The following C4orf51 variants were observed in gnomAD, a reference collection of about 807,000 sequenced individuals.
C4orf51 encodes the protein chromosome 4 open reading frame 51, also known as uncharacterized protein C4orf51.
A neutral mutation model predicts 25.2 loss-of-function variants in C4orf51; 25 were observed. The observed-to-expected ratio is 0.99, with a 90% CI of 0.72 to 1.39. C4orf51 has a LOEUF of 1.39. Ranked by LOEUF, C4orf51 falls within the 40% of genes most tolerant of loss-of-function variation. C4orf51 has a pLI of 0.00. For synonymous variants in C4orf51, 100 were observed against 84.5 expected, an observed-to-expected ratio of 1.18 and a Z score of -1.01; for missense variants, 252 against 239.6, an observed-to-expected ratio of 1.05 and a Z score of -0.34.
chr4:145,693,717 C>T, intron 1 of C4orf51, among the ~76,000 whole-genome samples: 1 of 79,564 alleles, frequency 1.3e-5, no homozygotes, highest in South Asian at 5.6e-4. Flanking sequence ...GGGGGGCTGA[C>T]CCCCCCACCT....
At chr4:145,771,231 G>T (rs568606017), downstream of C4orf51, among the ~76,000 whole-genome samples, 1 of 152,178 alleles carries the variant, frequency 6.6e-6, no homozygotes, top group East Asian at 1.9e-4. Flanking sequence ...CTCTTTTTCT[G>T]TTATTTTGCA....
At chr4:145,722,837 C>A (rs1731817667) in intron 2 of C4orf51, among the ~76,000 whole-genome samples, 1 of 152,106 alleles carries the variant, frequency 6.6e-6, no homozygotes. Flanking sequence ...TGAGATTCTC[C>A]TAGGAGCACA....
chr4:145,723,783 T>A (rs1381878692), intron 2 of C4orf51, among the ~76,000 whole-genome samples: 1 of 152,186 alleles, frequency 6.6e-6, no homozygotes, highest in Non-Finnish European at 1.5e-5. Flanking sequence ...TAGGGTAACA[T>A]TAAATGTCCT....
chr4:145,757,725 C>T (rs1248953048), downstream of C4orf51: 2 of 151,170 alleles, frequency 1.3e-5, no homozygotes, highest in African/African-American at 2.4e-5. Flanking sequence ...AAGGAATATA[C>T]CAGTTACTGT....
At position 145,763,018 on chromosome 4, in the gene C4orf51, C is replaced by T. The variant is rs775969368; in HGVS notation, n.167-7970C>T. 2.1e-6 allele frequency: 3 copies of T among 1,400,620 alleles called. No individual in the cohort carries two copies. The highest frequency in any genetic ancestry group is 2.1e-4 in the Middle Eastern group (1 of 4,864). 86.8% of individuals were successfully genotyped at this position (1,400,620 alleles called of 1,614,324 possible). ...TTGAACCTCAGCTCACAGAAGAGTGCACACGAGAGAAATATAAAGCCCATT... is the reference window on the plus strand; with the variant it reads ...TTGAACCTCAGCTCACAGAAGAGTGTACACGAGAGAAATATAAAGCCCATT... On this transcript the variant is annotated intron_variant and non_coding_transcript_variant, in intron 1 of 1. Coordinates refer to the C4orf51 transcript ENST00000510096. The surrounding 1 kb of genome is among the most constrained non-coding windows in gnomAD (Gnocchi z 4.6).
intron 1 of C4orf51, among the ~76,000 whole-genome samples, chr4:145,681,335 T>C (rs1728827755): frequency 6.6e-6 from 1 of 152,244 alleles, no homozygotes; most frequent in East Asian, 1.9e-4. Context: ...ATATTAGTTA[T>C]ATTTCCATCC....
chr4:145,732,750 G>A lies in C4orf51; in HGVS notation c.*190G>A. On this transcript the variant is annotated 3_prime_UTR_variant, in exon 6 of 6. Coordinates refer to ENST00000438731, the MANE Select transcript of C4orf51 (RefSeq NM_001080531.3). ...TTTTTCCCTTTTTAATTGGTGGAGA[G>A]AGACAAAAGTTTTTATAATCTTTAT... The A allele has an allele frequency of 8.8e-6, 4 of 455,032 alleles. No individual in the cohort carries two copies. The highest frequency in any genetic ancestry group is 1.2e-5 in the Non-Finnish European group (3 of 257,592). 28.2% of individuals were successfully genotyped at this position (455,032 alleles called of 1,614,324 possible).
At chr4:145,729,542 C>T (rs1732338253) in intron 4 of C4orf51, among the ~76,000 whole-genome samples, 1 of 152,104 alleles carries the variant, frequency 6.6e-6, no homozygotes, top group Admixed American at 6.5e-5. Context: ...ACCTTGTGAT[C>T]CTCCCTCCTT....
At chr4:145,710,813 A>G (rs1360739879) in intron 2 of C4orf51, among the ~76,000 whole-genome samples, 1 of 151,574 alleles carries the variant, frequency 6.6e-6, no homozygotes, top group Non-Finnish European at 1.5e-5. Flanking sequence ...GGGTGGGGGT[A>G]GGGAGCCCTC....
the C4orf51 span, among the ~76,000 whole-genome samples, chr4:145,777,701 T>C: frequency 5.9e-5 from 9 of 152,204 alleles, no homozygotes; most frequent in African/African-American, 1.7e-4. Context: ...ATCTATTTTA[T>C]GGCCATTTCT....
Position 145,763,599 on chromosome 4 carries a change from T to A in C4orf51, n.167-7389T>A, listed in dbSNP as rs1300927944. 6.6e-6 allele frequency among the ~76,000 whole-genome samples: 1 copy of A among 152,200 alleles called. No homozygotes were observed. Among genetic ancestry groups the A allele is most frequent in the Non-Finnish European group, 1.5e-5 (1 of 68,030 alleles). Reference sequence around the variant, plus strand: ...TGGAGGTCCCTGAGGAAAGGCGAACTGGCAAAGCCACAACTGGCAGGGGCT... The same window carrying A: ...TGGAGGTCCCTGAGGAAAGGCGAACAGGCAAAGCCACAACTGGCAGGGGCT... On this transcript the variant is annotated intron_variant and non_coding_transcript_variant, in intron 1 of 1. Coordinates refer to the C4orf51 transcript ENST00000510096. This position sits in a 1 kb window ranked among gnomAD's most constrained non-coding sequence, Gnocchi z 4.6.
intron 1 of C4orf51, among the ~76,000 whole-genome samples, chr4:145,684,727 T>G (rs1212465492): frequency 2.0e-5 from 3 of 152,106 alleles, no homozygotes; most frequent in Admixed American, 2.0e-4. Flanking sequence ...AATCTCTGTA[T>G]GTTCATCTTA....
At chr4:145,735,964 C>A (rs1249267750), downstream of C4orf51, among the ~76,000 whole-genome samples, 1 of 152,006 alleles carries the variant, frequency 6.6e-6, no homozygotes, top group East Asian at 1.9e-4. Flanking sequence ...CTGGGTCAGC[C>A]CTACACTCTG....
the C4orf51 span, among the ~76,000 whole-genome samples, chr4:145,780,885 T>A: frequency 6.6e-6 from 1 of 152,284 alleles, no homozygotes; most frequent in East Asian, 1.9e-4. Flanking sequence ...GGTAAGAACT[T>A]CTCCTAATCC....
intron 1 of C4orf51, among the ~76,000 whole-genome samples, chr4:145,766,838 A>C (rs1735377975): frequency 6.6e-6 from 1 of 152,194 alleles, no homozygotes; most frequent in Non-Finnish European, 1.5e-5. Context: ...GTAGAAAACT[A>C]AGAAAGGTCT....
In C4orf51 at chr4:145,732,481, A is replaced by G. The variant is rs911196303; in HGVS notation, c.530A>G (p.Lys177Arg). The G allele has an allele frequency of 3.0e-5, 49 of 1,610,888 alleles. No individual in the cohort carries two copies. Among genetic ancestry groups the G allele is most frequent in the Admixed American group, 5.0e-5 (3 of 59,608 alleles). Reference protein sequence around the residue: ...HLHGRCDSESKVCSSEDSEAD... With the variant: ...HLHGRCDSESRVCSSEDSEAD... ...CATGGACGGTGCGATTCTGAAAGCA[A>G]GGTTTGCTCATCTGAGGATTCAGAA... is the stretch of plus-strand genomic sequence containing the variant. The change falls in exon 6 of 6, where the codon AAG (lysine) becomes AGG (arginine). Residue 177 changes from lysine (K) to arginine (R), a missense_variant. Physicochemically the swap from Lys to Arg is conservative, Grantham distance 26. Coordinates refer to ENST00000438731, the MANE Select transcript of C4orf51 (RefSeq NM_001080531.3).
chr4:145,788,631 C>A, the C4orf51 span, among the ~76,000 whole-genome samples: 2 of 152,128 alleles, frequency 1.3e-5, no homozygotes, highest in Admixed American at 6.5e-5. Flanking sequence ...TACTGAACAG[C>A]AACCTAATTT....
intron 1 of C4orf51, among the ~76,000 whole-genome samples, chr4:145,693,840 G>C (rs1460284454): frequency 1.1e-5 from 1 of 94,412 alleles, no homozygotes; most frequent in Non-Finnish European, 2.1e-5. Flanking sequence ...GGGCGGGGGG[G>C]CTGACCCCCC....
chr4:145,688,899 C>T (rs1729352380), intron 1 of C4orf51, among the ~76,000 whole-genome samples: 1 of 151,816 alleles, frequency 6.6e-6, no homozygotes, highest in Non-Finnish European at 1.5e-5. Flanking sequence ...AACAAACAAA[C>T]AAACAACAAC....
Sources: gnomAD v4.1 joint callset for allele counts (sites outside exome capture counted in the v4.1 genomes callset) on GRCh38, gnomAD v4.1.1 for gene constraint, Gnocchi (gnomAD v3.1) non-coding constraint, MANE v1.5 for transcripts, NCBI Gene and HGNC (gene_info 2026-07-23, HGNC 2026-07-21) for gene names.